ADIPOR2: variants seen among roughly 807,000 people sequenced by gnomAD.
ADIPOR2 encodes the protein adiponectin receptor 2, also known as adiponectin receptor protein 2.
In ADIPOR2, 18 loss-of-function variants were observed where a neutral mutation model predicts 40.9. The observed-to-expected ratio is 0.44, with a 90% CI of 0.30 to 0.65. The LOEUF (loss-of-function observed/expected upper bound fraction) is 0.65, where lower values mean the gene tolerates loss of function less well. Among genes scored for constraint, ADIPOR2 ranks in the 30% least tolerant of loss-of-function variants. The pLI, the probability that ADIPOR2 is intolerant of heterozygous loss-of-function variation, is 0.09. For synonymous variants in ADIPOR2, 165 were observed against 166.4 expected (o/e 0.99, Z 0.06); for missense variants, 283 against 479.2 (o/e 0.59, Z 3.82).
At chr12:1,780,803 T>TA in intron 5 of ADIPOR2, 86 bp from the exon 6 acceptor site, 1 of 1,403,502 alleles carries the variant, frequency 7.1e-7, no homozygotes, top group Non-Finnish European at 9.5e-7. Flanking sequence ...CGTTGATGGC[T>TA]TATGTCATGA....
rs1862842536 is a variant in ADIPOR2 at position 1,786,623 on chromosome 12, T to C, written c.*551T>C. The C allele has an allele frequency of 6.5e-6, 1 of 152,954 alleles. No homozygotes were observed. The highest frequency in any genetic ancestry group is 1.5e-5 in the Non-Finnish European group (1 of 68,324). 9.5% of individuals were successfully genotyped at this position (152,954 alleles called of 1,614,324 possible). On this transcript the variant is annotated 3_prime_UTR_variant, in exon 8 of 8. Coordinates refer to ENST00000357103, the MANE Select transcript of ADIPOR2 (RefSeq NM_024551.3). ...ATAGGGGTAAGGGAGGGAGGGAGAATTTTTGTATAGAATGAAACATGCAAG... is the reference window on the plus strand; with the variant it reads ...ATAGGGGTAAGGGAGGGAGGGAGAACTTTTGTATAGAATGAAACATGCAAG...
chr12:1,764,216 C>A (rs1404207562), intron 2 of ADIPOR2, among the ~76,000 whole-genome samples: 1 of 151,854 alleles, frequency 6.6e-6, no homozygotes, highest in African/African-American at 2.4e-5. Flanking sequence ...TTCTGTGGTC[C>A]CCGACACTAT....
At chr12:1,715,339 TG>T (rs1345836164) in intron 1 of ADIPOR2, among the ~76,000 whole-genome samples, 1 of 152,048 alleles carries the variant, frequency 6.6e-6, no homozygotes, top group Non-Finnish European at 1.5e-5. Context: ...GAGAGAATAT[TG>T]GGGCCAGGCC....
intron 4 of ADIPOR2, chr12:1,778,660 G>A (rs1356238997): frequency 1.3e-5 from 2 of 152,084 alleles, no homozygotes; most frequent in Non-Finnish European, 2.9e-5. Flanking sequence ...CTGTTTCTGA[G>A]AATTGCCACC....
At chr12:1,732,359 C>A (rs1255441204) in intron 1 of ADIPOR2, among the ~76,000 whole-genome samples, 1 of 152,174 alleles carries the variant, frequency 6.6e-6, no homozygotes, top group Non-Finnish European at 1.5e-5. Context: ...TTTTTACTGT[C>A]TCCTTAGTTT....
chr12:1,735,033 C>T (rs1012877128), intron 1 of ADIPOR2, among the ~76,000 whole-genome samples: 1 of 152,124 alleles, frequency 6.6e-6, no homozygotes, highest in Non-Finnish European at 1.5e-5. Context: ...TAGCGTGATG[C>T]CTCCAGCTTT....
chr12:1,756,160 A>G (rs1592615026), intron 2 of ADIPOR2, among the ~76,000 whole-genome samples: 1 of 150,822 alleles, frequency 6.6e-6, no homozygotes, highest in East Asian at 1.9e-4. Flanking sequence ...TTATAATTAT[A>G]TTTTTTTTGA....
intron 6 of ADIPOR2, among the ~76,000 whole-genome samples, chr12:1,783,282 G>A (rs1450289100): frequency 6.6e-6 from 1 of 151,936 alleles, no homozygotes; most frequent in African/African-American, 2.4e-5. Context: ...GGACAGGCTA[G>A]GACAGTTTAA....
chr12:1,699,692 G>C (rs987893461), intron 1 of ADIPOR2, among the ~76,000 whole-genome samples: 1 of 152,124 alleles, frequency 6.6e-6, no homozygotes, highest in African/African-American at 2.4e-5. Flanking sequence ...TGTCACTTTG[G>C]CATATGTTGT....
At chr12:1,716,228 T>TGA (rs565611922) in intron 1 of ADIPOR2, among the ~76,000 whole-genome samples, 4 of 152,352 alleles carry the variant, frequency 2.6e-5, no homozygotes, top group African/African-American at 9.6e-5. Flanking sequence ...TGGTGGTCTC[T>TGA]GAGAGCAGTG....
At chr12:1,693,415 T>A (rs1222534495) in intron 1 of ADIPOR2, among the ~76,000 whole-genome samples, 1 of 152,208 alleles carries the variant, frequency 6.6e-6, no homozygotes, top group African/African-American at 2.4e-5. Flanking sequence ...TAAAAGTTAT[T>A]TACAAGTACA....
chr12:1,729,698 C>T (rs2094716007), intron 1 of ADIPOR2, among the ~76,000 whole-genome samples: 1 of 134,504 alleles, frequency 7.4e-6, no homozygotes, highest in South Asian at 2.5e-4. Context: ...TAATAGTTGG[C>T]ATCAGTTAAT....
At chr12:1,731,805 C>T (rs2094720884) in intron 1 of ADIPOR2, among the ~76,000 whole-genome samples, 1 of 152,046 alleles carries the variant, frequency 6.6e-6, no homozygotes, top group Admixed American at 6.6e-5. Context: ...ACTAAAAATA[C>T]AAAAATTAGC....
chr12:1,711,415 G>A (rs960056900), intron 1 of ADIPOR2, among the ~76,000 whole-genome samples: 3 of 152,058 alleles, frequency 2.0e-5, no homozygotes, highest in Admixed American at 6.5e-5. Flanking sequence ...ATTTCCTGGG[G>A]CAATGTTAAT....
At chr12:1,778,558 C>T (rs1167189059) in intron 4 of ADIPOR2, 2 of 152,016 alleles carry the variant, frequency 1.3e-5, no homozygotes, top group Non-Finnish European at 2.9e-5. Flanking sequence ...AAAGTGAACC[C>T]AAAATGGATC....
In ADIPOR2 at chr12:1,763,959, A is replaced by G. The variant is rs566777494; in HGVS notation, c.172-8883A>G. On this transcript the variant is annotated intron_variant, in intron 2 of 7. Transcript: ENST00000357103. Reference sequence around the variant, plus strand: ...GTGCCACTGCACTCCAGCCTTGGCAACAGAGTAAGACCCTGGCTCAAAACA... The same window carrying G: ...GTGCCACTGCACTCCAGCCTTGGCAGCAGAGTAAGACCCTGGCTCAAAACA... Among the ~76,000 whole-genome samples the G allele has an allele frequency of 4.6e-5, 7 of 152,336 alleles. No homozygotes were observed. In the East Asian group the frequency reaches 1.3e-3, roughly 29 times the overall value.
At chr12:1,717,495 C>T (rs12230349) in intron 1 of ADIPOR2, among the ~76,000 whole-genome samples, 6,791 of 152,156 alleles carry the variant, frequency 0.045, 251 homozygotes, top group East Asian at 0.17. Context: ...CACCTGAGGT[C>T]GGGAGTTCGA....
intron 1 of ADIPOR2, among the ~76,000 whole-genome samples, chr12:1,731,823 G>C (rs2094720937): frequency 6.6e-6 from 1 of 152,150 alleles, no homozygotes; most frequent in South Asian, 2.1e-4. Context: ...AGCCGGGCGT[G>C]GTGGCTGGCG....
chr12:1,782,976 CTTTTTTT>C (rs71055199), intron 6 of ADIPOR2, among the ~76,000 whole-genome samples: 228 of 109,718 alleles, frequency 2.1e-3, no homozygotes, highest in African/African-American at 7.9e-3. Flanking sequence ...TTCTTTCTTT[CTTTTTTT>C]TTTTTTTTTT....
Sources: allele counts gnomAD v4.1 joint callset (sites outside exome capture counted in the v4.1 genomes callset), GRCh38; gene constraint gnomAD v4.1.1; transcripts MANE v1.5; gene names NCBI Gene and HGNC (gene_info 2026-07-23, HGNC 2026-07-21).